Variants in ABCB4 observed in about 807,000 individuals in gnomAD.
The protein encoded by ABCB4 is ATP binding cassette subfamily B member 4.
ABCB4 carries 76 observed loss-of-function variants against 145.7 expected under a neutral mutation model. The observed-to-expected ratio is 0.52, with a 90% CI of 0.43 to 0.63. ABCB4 has a LOEUF of 0.63. Ranked by LOEUF, ABCB4 falls within the 30% of genes least tolerant of loss-of-function variation. The probability of loss-of-function intolerance (pLI) is 0.00; values close to 1 mark genes in which losing one functional copy is unlikely to be tolerated. For missense variants in ABCB4, 1,234 were observed against 1,553.1 expected (o/e 0.79, Z 3.45); for synonymous variants, 517 against 566.8 (o/e 0.91, Z 1.25).
chr7:87,444,756 G>T, intron 10 of ABCB4, 106 bp downstream of exon 10: 6 of 794,250 alleles, frequency 7.6e-6, no homozygotes, highest in Non-Finnish European at 1.3e-5. Flanking sequence ...ACTTTAGTCA[G>T]TACAACTTAT....
At chr7:87,468,918 G>A (rs931816716) in intron 3 of ABCB4, among the ~76,000 whole-genome samples, 8 of 109,022 alleles carry the variant, frequency 7.3e-5, no homozygotes, top group Non-Finnish European at 1.3e-4. Flanking sequence ...GCGAAACAGC[G>A]CAACTCCGTC....
downstream of ABCB4, among the ~76,000 whole-genome samples, chr7:87,400,318 A>G (rs1807726570): frequency 2.0e-5 from 3 of 152,218 alleles, no homozygotes; most frequent in South Asian, 6.2e-4. Flanking sequence ...ACATTTTAAT[A>G]TATGTAAAGA....
chr7:87,384,043 TG>T, the ABCB4 span, among the ~76,000 whole-genome samples: 83 of 152,188 alleles, frequency 5.5e-4, no homozygotes, highest in South Asian at 0.016. Context: ...CCACCAACAA[TG>T]TATGAGGGTT....
At chr7:87,468,720 C>G (rs187837634) in intron 3 of ABCB4, among the ~76,000 whole-genome samples, 1 of 152,084 alleles carries the variant, frequency 6.6e-6, no homozygotes, top group East Asian at 1.9e-4. Flanking sequence ...ATCACAAGGT[C>G]AAGAGATCAA....
At chr7:87,425,471 C>T (rs1402780355) in intron 16 of ABCB4, among the ~76,000 whole-genome samples, 2 of 151,972 alleles carry the variant, frequency 1.3e-5, no homozygotes, top group East Asian at 3.8e-4. Context: ...TAAGAGAGTC[C>T]TTGTAATTTC....
chr7:87,406,632 C>T (rs1584672784), intron 25 of ABCB4, 138 bp from the exon 26 acceptor site: 1 of 883,250 alleles, frequency 1.1e-6, no homozygotes. Flanking sequence ...AAGACTTATA[C>T]CATTGAGGCC....
the ABCB4 span, chr7:87,369,631 T>C: frequency 2.8e-6 from 1 of 357,444 alleles, no homozygotes; most frequent in Non-Finnish European, 5.0e-6. Flanking sequence ...TCTATTTGTA[T>C]TTTTTATTTA....
At chr7:87,377,877 T>G in the ABCB4 span, among the ~76,000 whole-genome samples, 3 of 152,172 alleles carry the variant, frequency 2.0e-5, no homozygotes, top group African/African-American at 7.2e-5. Flanking sequence ...TTTGGAACAC[T>G]ATTTAGGCTG....
chr7:87,454,474 C>A, intron 5 of ABCB4, 61 bp downstream of exon 5: 1 of 1,298,046 alleles, frequency 7.7e-7, no homozygotes, highest in Non-Finnish European at 1.1e-6. Context: ...TCTTATAACT[C>A]TGTAATTGGA....
chr7:87,390,659 C>T, the ABCB4 span, among the ~76,000 whole-genome samples: 2 of 152,104 alleles, frequency 1.3e-5, no homozygotes, highest in African/African-American at 4.8e-5. Context: ...AGTTTTATAC[C>T]TAAAATTGCT....
chr7:87,434,839 G>A (rs1451641684), intron 14 of ABCB4, among the ~76,000 whole-genome samples: 6 of 152,224 alleles, frequency 3.9e-5, no homozygotes, highest in African/African-American at 1.2e-4. Context: ...TCTACTATGT[G>A]CAAGGCACTG....
intron 2 of ABCB4, 128 bp downstream of exon 2, chr7:87,475,258 C>G (rs1187493627): frequency 8.9e-7 from 1 of 1,119,650 alleles, no homozygotes; most frequent in Non-Finnish European, 1.3e-6. Context: ...ATGCAAGACC[C>G]TTCAAAGAAG....
chr7:87,366,319 T>C, the ABCB4 span, among the ~76,000 whole-genome samples: 1 of 152,114 alleles, frequency 6.6e-6, no homozygotes, highest in African/African-American at 2.4e-5. Context: ...CTGCCCTTTC[T>C]GTTTTCCCTT....
chr7:87,368,188 G>A, the ABCB4 span, among the ~76,000 whole-genome samples: 3 of 152,132 alleles, frequency 2.0e-5, no homozygotes, highest in East Asian at 1.9e-4. Context: ...ACACTTCTGC[G>A]GGTATTTACA....
At chr7:87,462,199 G>T (rs991241338) in intron 4 of ABCB4, among the ~76,000 whole-genome samples, 11 of 152,158 alleles carry the variant, frequency 7.2e-5, no homozygotes, top group African/African-American at 2.2e-4. Flanking sequence ...AGTAATCATA[G>T]TCCTTTGGGT....
chr7:87,398,450 A>G (rs1032848436), downstream of ABCB4: 1 of 1,547,548 alleles, frequency 6.5e-7, no homozygotes, highest in African/African-American at 1.4e-5. Flanking sequence ...CAGATGAAAT[A>G]AAGTCCTGGT....
chr7:87,391,022 G>T, the ABCB4 span, among the ~76,000 whole-genome samples: 1 of 152,284 alleles, frequency 6.6e-6, no homozygotes, highest in African/African-American at 2.4e-5. Context: ...GTTTTCATCT[G>T]CTCTCCTGAG....
chr7:87,433,685 T>G (rs1810406069), intron 14 of ABCB4, among the ~76,000 whole-genome samples: 1 of 150,248 alleles, frequency 6.7e-6, no homozygotes, highest in African/African-American at 2.4e-5. Context: ...GTTTTTTTTT[T>G]TTTTTTTTTC....
chr7:87,457,106 C>T (rs774328035), intron 4 of ABCB4, among the ~76,000 whole-genome samples: 1 of 152,098 alleles, frequency 6.6e-6, no homozygotes, highest in African/African-American at 2.4e-5. Context: ...CTGGTTGAGT[C>T]CAGAGCATCA....
Sources: allele counts gnomAD v4.1 joint callset (sites outside exome capture counted in the v4.1 genomes callset), GRCh38; gene constraint gnomAD v4.1.1; transcripts MANE v1.5; gene names NCBI Gene and HGNC (gene_info 2026-07-23, HGNC 2026-07-21).